Variants in TGM3 observed in about 807,000 individuals in gnomAD.
The protein encoded by TGM3 is transglutaminase 3.
A neutral mutation model predicts 73.8 loss-of-function variants in TGM3; 52 were observed. That is an observed-to-expected ratio of 0.70 (90% CI 0.56 to 0.89). The LOEUF is 0.89. Ranked by LOEUF, TGM3 falls within the 40% of genes least tolerant of loss-of-function variation. TGM3 has a pLI of 0.00. For synonymous variants in TGM3, 372 were observed against 354.9 expected, an observed-to-expected ratio of 1.05 and a Z score of -0.54; for missense variants, 928 against 909.9, an observed-to-expected ratio of 1.02 and a Z score of -0.26.
intron 2 of TGM3, 56 bp downstream of exon 2, chr20:2,309,886 T>G (rs214804): frequency 0.96 from 1,536,082 of 1,606,224 alleles, 739,008 homozygotes; most frequent in East Asian, 1. Flanking sequence ...TAGCCCTTGT[T>G]CATTCAAGGA....
chr20:2,332,821 T>A lies in TGM3; in HGVS notation c.1642+511T>A, dbSNP rs909818886. Among the ~76,000 whole-genome samples, 5 of 152,240 alleles carry A rather than the reference T, an allele frequency of 3.3e-5. No individual in the cohort carries two copies. The East Asian group carries it at 7.7e-4, about 23-fold the overall frequency. ...TTGTTCTTACCCACCTCACCCCCAC[T>A]CCCACAACAAATCGCTTTTCAAATT... On this transcript the variant is annotated intron_variant, in intron 10 of 12. Coordinates refer to ENST00000381458, the MANE Select transcript of TGM3 (RefSeq NM_003245.4). This position sits in a 1 kb window ranked among gnomAD's most constrained non-coding sequence, Gnocchi z 4.4.
intron 11 of TGM3, among the ~76,000 whole-genome samples, chr20:2,336,098 AG>A (rs1194492643): frequency 6.6e-6 from 1 of 152,216 alleles, no homozygotes; most frequent in East Asian, 1.9e-4. Context: ...TCAGGAGCCC[AG>A]GAAGGTGGGG....
chr20:2,311,214 C>G, intron 4 of TGM3, 85 bp downstream of exon 4: 3 of 1,060,918 alleles, frequency 2.8e-6, no homozygotes. Flanking sequence ...ATGGGAAGTC[C>G]CACATCTGTC....
intron 11 of TGM3, among the ~76,000 whole-genome samples, chr20:2,336,708 C>T (rs1210620416): frequency 6.6e-6 from 1 of 151,758 alleles, no homozygotes; most frequent in African/African-American, 2.4e-5. Context: ...GAGTCAGTGA[C>T]TGGGCAGCCA....
At chr20:2,324,653 C>A (rs956354496) in intron 7 of TGM3, among the ~76,000 whole-genome samples, 1 of 152,188 alleles carries the variant, frequency 6.6e-6, no homozygotes, top group African/African-American at 2.4e-5. Context: ...TGACTCTTTT[C>A]AGAATTCCCC....
At chr20:2,321,514 ACT>A (rs2122233163) in intron 7 of TGM3, among the ~76,000 whole-genome samples, 1 of 152,234 alleles carries the variant, frequency 6.6e-6, no homozygotes, top group African/African-American at 2.4e-5. Context: ...AGGTCTCCTA[ACT>A]CTGTGATTTC....
chr20:2,337,958 A>G (rs909428435), intron 11 of TGM3, among the ~76,000 whole-genome samples: 2 of 152,204 alleles, frequency 1.3e-5, no homozygotes, highest in African/African-American at 4.8e-5. Context: ...ATCTTTTTAA[A>G]TGACTCCTGA....
chr20:2,332,199 G>A lies in TGM3; in HGVS notation c.1531G>A (p.Asp511Asn). 6.2e-7 allele frequency: 1 copy of A among 1,614,078 alleles called. No individual in the cohort carries two copies. The highest frequency in any genetic ancestry group is 8.5e-7 in the Non-Finnish European group (1 of 1,179,972). The change falls in exon 10 of 13, where the codon GAT (aspartate) becomes AAT (asparagine). Residue 511 changes from aspartate to asparagine, a missense_variant. Transcript: ENST00000381458. This position sits in a 1 kb window ranked among gnomAD's most constrained non-coding sequence, Gnocchi z 4.4. ...LVLLLKNLSR[D>N]TKTVTVNMTA... ...CCTACTGCTCAAAAACCTGAGCAGG[G>A]ATACGAAGACAGTGACAGTGAACAT...
At chr20:2,333,727 T>C (rs948835537) in intron 10 of TGM3, among the ~76,000 whole-genome samples, 7 of 151,952 alleles carry the variant, frequency 4.6e-5, no homozygotes, top group Admixed American at 3.9e-4. Context: ...CAAAAAAAAT[T>C]CACAGGATGG....
Position 2,310,308 on chromosome 20 carries a change from C to G in TGM3, c.312C>G (p.Ala104=). 6.2e-7 allele frequency: 1 copy of G among 1,614,238 alleles called. No individual in the cohort carries two copies. The highest frequency in any genetic ancestry group is 8.5e-7 in the Non-Finnish European group (1 of 1,180,028). ...NTLTISISSP[A]SAPIGRYTMA... is the part of the protein sequence containing the mutation. ...TGACTATCAGCATCTCCAGTCCTGC[C>G]AGCGCACCCATAGGACGGTACACAA... Residue 104 remains alanine, a synonymous_variant, in exon 3 of 13, where the codon GCC becomes GCG. Transcript: ENST00000381458.
chr20:2,315,681 A>G (rs1414695460), intron 5 of TGM3, among the ~76,000 whole-genome samples: 11 of 152,208 alleles, frequency 7.2e-5, no homozygotes, highest in Admixed American at 6.5e-4. Flanking sequence ...ACGACAGCCA[A>G]AGTTTCATAA....
chr20:2,339,999 GCCTAAGT>G lies in TGM3; in HGVS notation c.1934+13_1934+19del. On this transcript the variant is annotated intron_variant, in intron 12 of 12. Transcript: ENST00000381458. ...AACCTGAAGATCGAGTGAGTCCTGG[GCCTAAGT>G]GGCCGGTGCAGGAGGGCGGGAGGGG... 1.1e-6 allele frequency: 1 copy of G among 943,878 alleles called. No homozygotes were observed. The highest frequency in any genetic ancestry group is 5.7e-5 in the East Asian group (1 of 17,504). The allele number at this position is 943,878 out of a possible 1,614,324, so 58.5% of individuals were successfully genotyped here.
rs1334895198 is a variant in TGM3, at chr20:2,307,068, T to C, written c.8-2589T>C. Among the ~76,000 whole-genome samples the C allele has an allele frequency of 2.6e-5, 4 of 152,310 alleles. No homozygotes were observed. In the East Asian group the frequency reaches 7.7e-4, roughly 29 times the overall value. On this transcript the variant is annotated intron_variant, in intron 1 of 12. Coordinates refer to ENST00000381458, the MANE Select transcript of TGM3 (RefSeq NM_003245.4). ...TTCTTCCCTTCATTCAACAGACCCT[T>C]GTTGATTGCACAAATGTCTCAGTTT...
At chr20:2,296,480 A>G (rs1343119486) in intron 1 of TGM3, among the ~76,000 whole-genome samples, 2 of 152,138 alleles carry the variant, frequency 1.3e-5, no homozygotes, top group Non-Finnish European at 2.9e-5. Flanking sequence ...GTCAGCAAAG[A>G]AGCACATCTC....
chr20:2,340,040 G>GGGGGGGGGGGGGGGGGGGGGC, intron 12 of TGM3, 53 bp downstream of exon 12: 25 of 944,738 alleles, frequency 2.6e-5, no homozygotes, highest in Non-Finnish European at 3.8e-5. Flanking sequence ...GGGCGGGGGG[G>GGGGGGGGGGGGGGGGGGGGGC]CCCTCCAGAT....
chr20:2,307,133 A>G (rs377198897), intron 1 of TGM3, among the ~76,000 whole-genome samples: 1 of 152,110 alleles, frequency 6.6e-6, no homozygotes, highest in African/African-American at 2.4e-5. Flanking sequence ...TATTCTTTCA[A>G]TGAATATTTG....
At position 2,334,923 on chromosome 20, in the gene TGM3, T is replaced by C. The variant is rs1487559969; in HGVS notation, c.1643-193T>C. Among the ~76,000 whole-genome samples, 8 of 152,142 alleles carry C rather than the reference T, an allele frequency of 5.3e-5. No homozygotes were observed. The highest frequency in any genetic ancestry group is 1.2e-4 in the Non-Finnish European group (8 of 68,002). ...GCCAGAGAGAGTCCTGGGGCCTCTT[T>C]GCCCCCTGCTCTGGAGCCCACCCTG... On this transcript the variant is annotated intron_variant, in intron 10 of 12. Coordinates refer to ENST00000381458, the MANE Select transcript of TGM3 (RefSeq NM_003245.4). The surrounding 1 kb of genome is among the most constrained non-coding windows in gnomAD (Gnocchi z 4.0).
At position 2,334,971 on chromosome 20, in the gene TGM3, A is replaced by C; in HGVS notation, c.1643-145A>C. 3.0e-6 allele frequency: 3 copies of C among 989,038 alleles called. No homozygotes were observed. The highest frequency in any genetic ancestry group is 4.5e-6 in the Non-Finnish European group (3 of 665,504). 61.3% of individuals were successfully genotyped at this position (989,038 alleles called of 1,614,324 possible). A position where few individuals can be genotyped will look rare whatever the true frequency, so the allele number is the denominator to read the frequency against. On this transcript the variant is annotated intron_variant, in intron 10 of 12. Transcript: ENST00000381458. The surrounding 1 kb of genome is among the most constrained non-coding windows in gnomAD (Gnocchi z 4.0). ...CTGACCGGGGGACGCTTCCCACAGG[A>C]CCTGGCCCAAGGAGGGCTCAGTCAA...
intron 7 of TGM3, among the ~76,000 whole-genome samples, chr20:2,324,918 G>T (rs755217297): frequency 1.2e-4 from 18 of 152,070 alleles, no homozygotes; most frequent in Non-Finnish European, 2.1e-4. Flanking sequence ...TATGCAAAAG[G>T]ATTCATCTGT....
Sources: allele counts gnomAD v4.1 joint callset (sites outside exome capture counted in the v4.1 genomes callset), GRCh38; gene constraint gnomAD v4.1.1; non-coding constraint Gnocchi (gnomAD v3.1); transcripts MANE v1.5; gene names NCBI Gene and HGNC (gene_info 2026-07-23, HGNC 2026-07-21).